BRWD1: variants seen among roughly 807,000 people sequenced by gnomAD.
BRWD1 encodes bromodomain and WD repeat domain containing 1.
Under a neutral mutation model 251.2 loss-of-function variants are expected in BRWD1, and 82 were observed. The observed-to-expected ratio is 0.33, with a 90% CI of 0.27 to 0.39. BRWD1 has a LOEUF of 0.39. Ranked by LOEUF, BRWD1 falls within the 10% of genes least tolerant of loss-of-function variation. The pLI is 1.00. For synonymous variants in BRWD1, 918 were observed against 902.8 expected (o/e 1.02, Z -0.30); for missense variants, 2,233 against 2,711.6 (o/e 0.82, Z 3.92).
At chr21:39,274,540 A>G (rs1317867196) in intron 12 of BRWD1, 68 bp from the exon 13 acceptor site, 1 of 1,228,386 alleles carries the variant, frequency 8.1e-7, no homozygotes, top group Non-Finnish European at 1.2e-6. Context: ...AATTAAAATC[A>G]CATGCAAAAA....
At chr21:39,209,339 T>C (rs2032553253) in intron 36 of BRWD1, among the ~76,000 whole-genome samples, 1 of 150,558 alleles carries the variant, frequency 6.6e-6, no homozygotes. Context: ...AGCACCGGAG[T>C]CAGATTTGAA....
intron 7 of BRWD1, 32 bp downstream of exon 7, chr21:39,295,711 G>T: frequency 2.7e-6 from 4 of 1,502,590 alleles, no homozygotes; most frequent in South Asian, 1.3e-5. Context: ...TACTCTAGAT[G>T]ACATCAAATC....
intron 8 of BRWD1, among the ~76,000 whole-genome samples, chr21:39,292,132 T>TGGGGGGGGGGGG (rs1182694435): frequency 8.1e-5 from 1 of 12,352 alleles, no homozygotes; most frequent in Non-Finnish European, 1.8e-4. Flanking sequence ...TGGGTGGGGG[T>TGGGGGGGGGGGG]GGGGGGGGGG....
At chr21:39,279,056 T>C (rs1399659746) in intron 9 of BRWD1, among the ~76,000 whole-genome samples, 1 of 152,156 alleles carries the variant, frequency 6.6e-6, no homozygotes, top group Non-Finnish European at 1.5e-5. Flanking sequence ...TAATACCTTA[T>C]TGTATATCAA....
chr21:39,294,076 C>T (rs779275575), intron 7 of BRWD1, 44 bp from the exon 8 acceptor site: 2 of 1,500,134 alleles, frequency 1.3e-6, no homozygotes, highest in Non-Finnish European at 1.8e-6. Context: ...TACAGCAAAT[C>T]TTTTAAATAT....
At chr21:39,229,719 A>G (rs2146545705) in intron 25 of BRWD1, among the ~76,000 whole-genome samples, 1 of 152,296 alleles carries the variant, frequency 6.6e-6, no homozygotes. Context: ...TCACTGTTAA[A>G]AATCTAACAT....
chr21:39,264,705 A>G lies in BRWD1; in HGVS notation c.1660-20T>C. 1.9e-6 allele frequency: 3 copies of G among 1,561,888 alleles called. No homozygotes were observed. Among genetic ancestry groups the G allele is most frequent in the African/African-American group, 1.4e-5 (1 of 73,296 alleles). On this transcript the variant is annotated intron_variant, in intron 16 of 40. Transcript: ENST00000342449. ...AGGAATCTAGAAAAATGAAGTTCAC[A>G]GGATGACATTTTAAGGTTCACACAT...
At chr21:39,219,889 G>A (rs1303523270) in intron 29 of BRWD1, 3 of 152,152 alleles carry the variant, frequency 2.0e-5, no homozygotes, top group Non-Finnish European at 2.9e-5. Context: ...AAGAAATGTG[G>A]GGGAAGAGGG....
intron 35 of BRWD1, 105 bp from the exon 36 acceptor site, chr21:39,210,252 G>T: frequency 1.1e-6 from 1 of 951,610 alleles, no homozygotes; most frequent in Non-Finnish European, 1.5e-6. Flanking sequence ...GAGAGGAAAA[G>T]GTTAGAGGAC....
rs756527208 is a variant in BRWD1, at chr21:39,210,164, A to G, written c.4045-17T>C. The G allele has an allele frequency of 1.2e-5, 19 of 1,562,380 alleles. No individual in the cohort carries two copies. In the Admixed American group the frequency reaches 3.1e-4, roughly 26 times the overall value. ...TCTGTAGTCCTAGGTTTTAAACACA[A>G]TATTTAATTCATAGATTCATTTCTT... On this transcript the variant is annotated splice_polypyrimidine_tract_variant and intron_variant, in intron 35 of 40. Coordinates refer to ENST00000342449, the MANE Select transcript of BRWD1 (RefSeq NM_033656.4).
At position 39,187,053 on chromosome 21, in the gene BRWD1, G is replaced by C; in HGVS notation, c.*9206C>G. On this transcript the variant is annotated 3_prime_UTR_variant, in exon 41 of 41. Transcript: ENST00000342449. Reference sequence around the variant, plus strand: ...ATTGTGCATTTTCTTTCCAGGATCTGAACCCCCTTAAAAAAAGCATTTTTC... The same window carrying C: ...ATTGTGCATTTTCTTTCCAGGATCTCAACCCCCTTAAAAAAAGCATTTTTC... 1 of 1,580,080 alleles carries C rather than the reference G, an allele frequency of 6.3e-7. No individual in the cohort carries two copies. The highest frequency in any genetic ancestry group is 8.6e-7 in the Non-Finnish European group (1 of 1,168,648).
chr21:39,185,014 G>A (rs1012498628), downstream of BRWD1: 9 of 151,994 alleles, frequency 5.9e-5, no homozygotes, highest in African/African-American at 2.2e-4. Context: ...CTGTAAATAG[G>A]GTAATAGTAA....
At chr21:39,236,925 C>A in intron 22 of BRWD1, 141 bp from the exon 23 acceptor site, 1 of 652,690 alleles carries the variant, frequency 1.5e-6, no homozygotes. Flanking sequence ...AGCATTCTCC[C>A]CTCACTACCA....
chr21:39,250,255 GA>G (rs752275544), intron 20 of BRWD1, among the ~76,000 whole-genome samples: 11 of 152,062 alleles, frequency 7.2e-5, no homozygotes, highest in Non-Finnish European at 1.3e-4. Context: ...AAGGCTGCCA[GA>G]AGTCAATGTA....
chr21:39,188,196 G>C lies in BRWD1; in HGVS notation c.*8063C>G. 5.1e-6 allele frequency: 5 copies of C among 985,328 alleles called. No individual in the cohort carries two copies. The highest frequency in any genetic ancestry group is 6.0e-6 in the Non-Finnish European group (5 of 829,890). The allele number at this position is 985,328 out of a possible 1,614,324, so 61.0% of individuals were successfully genotyped here. On this transcript the variant is annotated 3_prime_UTR_variant, in exon 41 of 41. Coordinates refer to ENST00000342449, the MANE Select transcript of BRWD1 (RefSeq NM_033656.4). Reference sequence around the variant, plus strand: ...AGAACAGAAGTGATATTCCTTTTACGTATCTGAAGTTCACGGGCCCTTGAA... The same window carrying C: ...AGAACAGAAGTGATATTCCTTTTACCTATCTGAAGTTCACGGGCCCTTGAA...
chr21:39,257,853 G>A (rs1350836977), intron 18 of BRWD1, among the ~76,000 whole-genome samples: 1 of 152,080 alleles, frequency 6.6e-6, no homozygotes, highest in African/African-American at 2.4e-5. Context: ...GTAATATAAG[G>A]AATCTAGGTA....
intron 8 of BRWD1, among the ~76,000 whole-genome samples, chr21:39,282,320 A>G (rs2035494880): frequency 6.6e-6 from 1 of 152,178 alleles, no homozygotes; most frequent in South Asian, 2.1e-4. Flanking sequence ...TAATAGTGCC[A>G]TTAACAGAAA....
At chr21:39,224,385 C>T in intron 29 of BRWD1, 23 bp downstream of exon 29, 2 of 1,441,646 alleles carry the variant, frequency 1.4e-6, no homozygotes, top group East Asian at 2.3e-5. Context: ...AAAATGTTTT[C>T]ATTATTTAAC....
downstream of BRWD1, chr21:39,184,179 T>A (rs566720019): frequency 4.6e-5 from 7 of 152,274 alleles, no homozygotes; most frequent in Admixed American, 3.9e-4. Flanking sequence ...CGCTTCGTGG[T>A]GGTATAAAAA....
Sources: allele counts gnomAD v4.1 joint callset (sites outside exome capture counted in the v4.1 genomes callset), GRCh38; gene constraint gnomAD v4.1.1; transcripts MANE v1.5; gene names NCBI Gene and HGNC (gene_info 2026-07-23, HGNC 2026-07-21).